GLUD1: variants seen among roughly 807,000 people sequenced by gnomAD.
GLUD1 encodes the protein glutamate dehydrogenase 1.
In GLUD1, 22 loss-of-function variants were observed where a neutral mutation model predicts 56.0. That is an observed-to-expected ratio of 0.39 (90% CI 0.28 to 0.56). The LOEUF (loss-of-function observed/expected upper bound fraction) is 0.56. Among genes scored for constraint, GLUD1 ranks in the 20% least tolerant of loss-of-function variants. The pLI, the probability that GLUD1 is intolerant of heterozygous loss-of-function variation, is 0.58. For synonymous variants in GLUD1, 223 were observed against 269.9 expected (o/e 0.83, Z 1.70); for missense variants, 451 against 732.0 (o/e 0.62, Z 4.43).
At chr10:87,053,655 T>G (rs1475868448) in intron 11 of GLUD1, among the ~76,000 whole-genome samples, 2 of 152,180 alleles carry the variant, frequency 1.3e-5, no homozygotes, top group Non-Finnish European at 2.9e-5. Context: ...AAGATTATAG[T>G]ACAACAATGA....
At chr10:87,089,652 G>T in intron 1 of GLUD1, 1 of 984,678 alleles carries the variant, frequency 1.0e-6, no homozygotes, top group Non-Finnish European at 1.2e-6. Context: ...AAGATAATCG[G>T]AAGGTCTTGA....
intron 1 of GLUD1, among the ~76,000 whole-genome samples, chr10:87,092,420 G>GT (rs1390756316): frequency 6.6e-6 from 1 of 152,158 alleles, no homozygotes; most frequent in Non-Finnish European, 1.5e-5. Context: ...TTAATAGCAT[G>GT]TTTTTTTGTA....
chr10:87,078,539 G>T (rs1437237445), intron 1 of GLUD1, among the ~76,000 whole-genome samples: 2 of 152,096 alleles, frequency 1.3e-5, no homozygotes, highest in East Asian at 3.8e-4. Flanking sequence ...TTTAATTCCT[G>T]GTTCCTAACA....
At position 87,085,814 on chromosome 10, in the gene GLUD1, G is replaced by A. The variant is rs113489939; in HGVS notation, c.445+8511C>T. On this transcript the variant is annotated intron_variant, in intron 1 of 12. Coordinates refer to ENST00000277865, the MANE Select transcript of GLUD1 (RefSeq NM_005271.5). ...TTTGTTTTGTGTTATTTAACTTACA[G>A]CCTGACAGATGGAAGATTATACATT... Among the ~76,000 whole-genome samples the A allele has an allele frequency of 1.3e-4, 20 of 152,204 alleles. 1 individual carries two copies. The highest frequency in any genetic ancestry group is 4.8e-4 in the African/African-American group (20 of 41,526).
intron 1 of GLUD1, among the ~76,000 whole-genome samples, chr10:87,086,385 A>C (rs1406901540): frequency 1.3e-5 from 2 of 152,172 alleles, no homozygotes; most frequent in Non-Finnish European, 2.9e-5. Flanking sequence ...CCTGTTGGGA[A>C]TACATTACTG....
chr10:87,082,829 CCA>C (rs890772727), intron 1 of GLUD1, among the ~76,000 whole-genome samples: 1 of 152,128 alleles, frequency 6.6e-6, no homozygotes, highest in African/African-American at 2.4e-5. Flanking sequence ...CACAATGTAC[CCA>C]CACACAGAAG....
chr10:87,093,606 T>C (rs1841595888), intron 1 of GLUD1, among the ~76,000 whole-genome samples: 1 of 152,240 alleles, frequency 6.6e-6, no homozygotes, highest in African/African-American at 2.4e-5. Flanking sequence ...TTTCATTCCA[T>C]TGGCTGGCTG....
intron 3 of GLUD1, 124 bp downstream of exon 3, chr10:87,075,844 G>T: frequency 1.4e-6 from 1 of 732,730 alleles, no homozygotes; most frequent in South Asian, 1.4e-5. Flanking sequence ...AACCCGGGAG[G>T]CGGAGGTTGC....
At chr10:87,089,500 T>C (rs1841463555) in intron 1 of GLUD1, 1 of 458,486 alleles carries the variant, frequency 2.2e-6, no homozygotes, top group African/African-American at 2.1e-5. Flanking sequence ...CATGAAAAGT[T>C]CTTAATAAAA....
At chr10:87,077,504 G>A (rs1846431155) in intron 1 of GLUD1, among the ~76,000 whole-genome samples, 2 of 150,970 alleles carry the variant, frequency 1.3e-5, no homozygotes, top group South Asian at 4.2e-4. Context: ...CTGAGGTTGA[G>A]TGATTCCCTT....
rs758062094 is a variant in GLUD1, at chr10:87,067,372, T to C, written c.741+691A>G. 1.5e-3 allele frequency among the ~76,000 whole-genome samples: 236 copies of C among 152,278 alleles called. 1 individual carries two copies. The highest frequency in any genetic ancestry group is 2.9e-3 in the Non-Finnish European group (200 of 68,008). ...TCCCAGGTAGCTGGGATTATAGGTGTATACCACCACGCTTGGCTAATTTTT... is the reference window on the plus strand; with the variant it reads ...TCCCAGGTAGCTGGGATTATAGGTGCATACCACCACGCTTGGCTAATTTTT... On this transcript the variant is annotated intron_variant, in intron 5 of 12. Coordinates refer to ENST00000277865, the MANE Select transcript of GLUD1 (RefSeq NM_005271.5).
chr10:87,083,712 T>C (rs1034367682), intron 1 of GLUD1, among the ~76,000 whole-genome samples: 1 of 152,224 alleles, frequency 6.6e-6, no homozygotes, highest in Admixed American at 6.5e-5. Flanking sequence ...CAGTTAGGCA[T>C]GGTGGCTCAT....
intron 4 of GLUD1, among the ~76,000 whole-genome samples, chr10:87,072,297 ATTAG>A (rs1266340866): frequency 2.0e-5 from 3 of 152,210 alleles, no homozygotes; most frequent in Non-Finnish European, 4.4e-5. Flanking sequence ...TACTCCACAA[ATTAG>A]TGTACAGATT....
chr10:87,074,111 A>C (rs1846315909), intron 4 of GLUD1, among the ~76,000 whole-genome samples: 1 of 152,190 alleles, frequency 6.6e-6, no homozygotes, highest in Admixed American at 6.5e-5. Flanking sequence ...TGCACAAAGA[A>C]AATATAAACA....
At chr10:87,065,466 T>G (rs902413011) in intron 5 of GLUD1, among the ~76,000 whole-genome samples, 7 of 152,054 alleles carry the variant, frequency 4.6e-5, no homozygotes, top group African/African-American at 1.7e-4. Flanking sequence ...ATGGGCAGTA[T>G]GTTATTTGTA....
intron 1 of GLUD1, among the ~76,000 whole-genome samples, chr10:87,085,921 C>T (rs1420933343): frequency 6.6e-6 from 1 of 152,156 alleles, no homozygotes; most frequent in Non-Finnish European, 1.5e-5. Flanking sequence ...CACTTTCACA[C>T]CAAACAGGTC....
Position 87,094,270 on chromosome 10 carries a change from GGGGAGGGCCGCAGGGGAGGCA to G in GLUD1, c.445+34_445+54del. 6.5e-7 allele frequency: 1 copy of G among 1,545,618 alleles called. No individual in the cohort carries two copies. On this transcript the variant is annotated intron_variant, in intron 1 of 12. Transcript: ENST00000277865. This position sits in a 1 kb window ranked among gnomAD's most constrained non-coding sequence, Gnocchi z 6.6. ...GGCCCCGCACCGGCAGGAGGCCGGA[GGGGAGGGCCGCAGGGGAGGCA>G]GGGAGGGCGGGACGGGGCCCGGCCG... is the stretch of plus-strand genomic sequence containing the variant.
intron 4 of GLUD1, among the ~76,000 whole-genome samples, chr10:87,069,514 C>CAAAAAAAAAAAAAAAAAAAAAAAAAA (rs374019349): frequency 1.6e-5 from 1 of 62,620 alleles, no homozygotes; most frequent in African/African-American, 6.0e-5. Flanking sequence ...GACTCTGTTT[C>CAAAAAAAAAAAAAAAAAAAAAAAAAA]AAAAAAAAAA....
intron 4 of GLUD1, among the ~76,000 whole-genome samples, chr10:87,068,773 G>A (rs1846143463): frequency 6.6e-6 from 1 of 151,962 alleles, no homozygotes; most frequent in African/African-American, 2.4e-5. Context: ...CAGATCATAG[G>A]AAATTAAAGG....
Sources: allele counts gnomAD v4.1 joint callset (sites outside exome capture counted in the v4.1 genomes callset), GRCh38; gene constraint gnomAD v4.1.1; non-coding constraint Gnocchi (gnomAD v3.1); transcripts MANE v1.5; gene names NCBI Gene and HGNC (gene_info 2026-07-23, HGNC 2026-07-21).